SLC35F4: variants seen among roughly 807,000 people sequenced by gnomAD.
The protein encoded by SLC35F4 is chromosome 14 open reading frame 36.
In SLC35F4, 24 loss-of-function variants were observed where a neutral mutation model predicts 44.2. The ratio of observed to expected loss-of-function variants is 0.54; its 90% CI spans 0.39 to 0.76. The LOEUF is 0.76. SLC35F4 is among the 30% of genes least tolerant of loss of function. The pLI is 0.00. For missense variants in SLC35F4, 562 were observed against 586.1 expected (o/e 0.96, Z 0.42); for synonymous variants, 238 against 223.6 (o/e 1.06, Z -0.57).
chr14:57,966,504 T>C (rs1890441166), intron 1 of SLC35F4, among the ~76,000 whole-genome samples: 1 of 152,220 alleles, frequency 6.6e-6, no homozygotes, highest in African/African-American at 2.4e-5. Context: ...ATTTATGCAG[T>C]TTGATTCTGG....
At chr14:57,799,451 G>C (rs1011731664) in intron 1 of SLC35F4, 1 of 152,464 alleles carries the variant, frequency 6.6e-6, no homozygotes, top group Non-Finnish European at 1.5e-5. Flanking sequence ...TGGCAGATCC[G>C]TCTGTACATA....
At chr14:57,617,190 G>A (rs1034333991) in intron 1 of SLC35F4, among the ~76,000 whole-genome samples, 1 of 136,736 alleles carries the variant, frequency 7.3e-6, no homozygotes, top group African/African-American at 2.7e-5. Flanking sequence ...GAGTGCAGCG[G>A]TGTGATCTCG....
chr14:57,892,937 G>T (rs1321970321), intron 1 of SLC35F4, among the ~76,000 whole-genome samples: 1 of 152,306 alleles, frequency 6.6e-6, no homozygotes, highest in South Asian at 2.1e-4. Flanking sequence ...AAAAGAATCT[G>T]TGAGTAGCTC....
intron 1 of SLC35F4, chr14:57,630,293 G>C: frequency 3.5e-6 from 2 of 567,528 alleles, no homozygotes; most frequent in Admixed American, 4.7e-5. Context: ...GATCAAGAAG[G>C]CTGTCTTCTG....
intron 1 of SLC35F4, among the ~76,000 whole-genome samples, chr14:57,970,429 C>A (rs1462102649): frequency 6.6e-6 from 1 of 152,090 alleles, no homozygotes; most frequent in Non-Finnish European, 1.5e-5. Context: ...TGCTCTCTGC[C>A]CTGTCAGCTC....
chr14:57,757,052 C>T (rs1472849273), intron 1 of SLC35F4, among the ~76,000 whole-genome samples: 1 of 152,004 alleles, frequency 6.6e-6, no homozygotes, highest in African/African-American at 2.4e-5. Flanking sequence ...CTGAGTTTTT[C>T]CTTCATGTAT....
intron 1 of SLC35F4, among the ~76,000 whole-genome samples, chr14:57,681,888 GA>G (rs1215810609): frequency 6.6e-5 from 10 of 151,416 alleles, no homozygotes; most frequent in African/African-American, 2.5e-4. Flanking sequence ...ATAAACATAG[GA>G]AAAAAAGCTC....
intron 1 of SLC35F4, among the ~76,000 whole-genome samples, chr14:57,802,035 C>T (rs1409494493): frequency 2.6e-5 from 4 of 152,210 alleles, no homozygotes; most frequent in African/African-American, 9.6e-5. Context: ...ACATTCTTCT[C>T]ATTGCCACAT....
intron 3 of SLC35F4, among the ~76,000 whole-genome samples, chr14:57,584,358 G>T (rs1014049786): frequency 6.6e-6 from 1 of 152,116 alleles, no homozygotes; most frequent in African/African-American, 2.4e-5. Flanking sequence ...AATAGATTCT[G>T]GTGCTATGGG....
In SLC35F4 at chr14:57,589,299, G is replaced by C; in HGVS notation, c.504C>G (p.Asn168Lys). The change falls in exon 3 of 8, where the codon AAC (asparagine) becomes AAG (lysine). Residue 168 changes from asparagine to lysine, a missense_variant. By Grantham distance (94) the Asn-to-Lys change is moderately conservative (BLOSUM62 0). Transcript: ENST00000556826. Reference protein sequence around the residue: ...CPFFMTWFSTNWNIMFFPVYY... With the variant: ...CPFFMTWFSTKWNIMFFPVYY... ...AGACTGGGAAAAACATAATGTTCCA[G>C]TTTGTTGAAAACCAAGTCATGAAAA... 1.2e-6 allele frequency: 2 copies of C among 1,613,934 alleles called. No individual in the cohort carries two copies. Among genetic ancestry groups the C allele is most frequent in the Non-Finnish European group, 1.7e-6 (2 of 1,179,878 alleles).
intron 1 of SLC35F4, among the ~76,000 whole-genome samples, chr14:57,599,618 G>C (rs546299480): frequency 6.6e-6 from 1 of 152,090 alleles, no homozygotes; most frequent in Admixed American, 6.5e-5. Flanking sequence ...GAGGTAGGTG[G>C]ATCACCTGAG....
chr14:57,603,107 A>G (rs531431440), intron 1 of SLC35F4, among the ~76,000 whole-genome samples: 10 of 152,174 alleles, frequency 6.6e-5, no homozygotes, highest in Non-Finnish European at 1.5e-4. Flanking sequence ...AGAAATCTGA[A>G]ATGGATTTTG....
rs971366937 is a variant in SLC35F4 at position 57,622,713 on chromosome 14, A to G, written c.104-28589T>C. ...AGGGATAGCATTGGGAGATATACCTAATGCTAGATGACGAGTTAGTGGGTG... is the reference window on the plus strand; with the variant it reads ...AGGGATAGCATTGGGAGATATACCTGATGCTAGATGACGAGTTAGTGGGTG... On this transcript the variant is annotated intron_variant, in intron 1 of 7. Coordinates refer to ENST00000556826, the MANE Select transcript of SLC35F4 (RefSeq NM_001306087.2). 3.3e-5 allele frequency among the ~76,000 whole-genome samples: 5 copies of G among 152,256 alleles called. No homozygotes were observed. The East Asian group carries it at 9.6e-4, about 29-fold the overall frequency.
chr14:57,790,873 T>C (rs2077900533), intron 1 of SLC35F4, among the ~76,000 whole-genome samples: 1 of 151,676 alleles, frequency 6.6e-6, no homozygotes, highest in South Asian at 2.1e-4. Context: ...TGACAAAAAA[T>C]GCAATGGGGA....
At chr14:57,730,502 A>G (rs2076318081) in intron 1 of SLC35F4, among the ~76,000 whole-genome samples, 1 of 152,000 alleles carries the variant, frequency 6.6e-6, no homozygotes, top group South Asian at 2.1e-4. Context: ...TGTTGTCATG[A>G]GTTTTCTTTG....
upstream of SLC35F4, among the ~76,000 whole-genome samples, chr14:57,869,201 T>TC (rs1488720633): frequency 1.4e-3 from 212 of 150,932 alleles, 1 homozygote; most frequent in African/African-American, 5.1e-3. Flanking sequence ...GTTGTGGTTT[T>TC]TTTTTTTTTT....
chr14:57,938,951 T>A (rs1889866543), intron 1 of SLC35F4, among the ~76,000 whole-genome samples: 1 of 152,166 alleles, frequency 6.6e-6, no homozygotes. Flanking sequence ...AGCTAGACCC[T>A]AATGTTTAAC....
intron 1 of SLC35F4, among the ~76,000 whole-genome samples, chr14:57,899,570 A>AGCTTTT (rs1888954373): frequency 6.6e-6 from 1 of 152,260 alleles, no homozygotes; most frequent in Non-Finnish European, 1.5e-5. Flanking sequence ...ACGGATACAG[A>AGCTTTT]ATATCCGTCT....
At chr14:57,924,872 C>G (rs771580458) in intron 1 of SLC35F4, among the ~76,000 whole-genome samples, 1 of 151,952 alleles carries the variant, frequency 6.6e-6, no homozygotes, top group African/African-American at 2.4e-5. Flanking sequence ...GCCTCAAACT[C>G]CTGGACTCAA....
Sources: allele counts gnomAD v4.1 joint callset (sites outside exome capture counted in the v4.1 genomes callset), GRCh38; gene constraint gnomAD v4.1.1; transcripts MANE v1.5; gene names NCBI Gene and HGNC (gene_info 2026-07-23, HGNC 2026-07-21).